The following NMT2 variants were observed in gnomAD, a reference collection of about 807,000 sequenced individuals.
The protein encoded by NMT2 is N-myristoyltransferase 2.
Under a neutral mutation model 65.4 loss-of-function variants are expected in NMT2, and 35 were observed. The observed-to-expected ratio is 0.54, with a 90% CI of 0.41 to 0.71. The LOEUF (loss-of-function observed/expected upper bound fraction) is 0.71, where lower values mean the gene tolerates loss of function less well. Among genes scored for constraint, NMT2 ranks in the 30% least tolerant of loss-of-function variants. NMT2 has a pLI of 0.00. For synonymous variants in NMT2, 226 were observed against 231.8 expected, an observed-to-expected ratio of 0.98 and a Z score of 0.23; for missense variants, 489 against 611.3, an observed-to-expected ratio of 0.80 and a Z score of 2.11.
intron 9 of NMT2, among the ~76,000 whole-genome samples, chr10:15,115,416 T>C (rs1295220853): frequency 6.6e-6 from 1 of 152,244 alleles, no homozygotes; most frequent in Non-Finnish European, 1.5e-5. Flanking sequence ...ATATATATTG[T>C]AATACTCACA....
In NMT2 at chr10:15,161,081, C is replaced by CAAAAAAAAAAAAAAAAAAAA. The variant is rs750859200; in HGVS notation, c.110+7402_110+7421dup. ...CAGAGCGAGACTCTGCCTCAAAAAT[C>CAAAAAAAAAAAAAAAAAAAA]AAAAAAAAAAAAAAAAAAAAAAAAA... On this transcript the variant is annotated intron_variant, in intron 1 of 11. Coordinates refer to ENST00000378165, the MANE Select transcript of NMT2 (RefSeq NM_004808.3). Among the ~76,000 whole-genome samples, 6 of 19,282 alleles carry CAAAAAAAAAAAAAAAAAAAA rather than the reference C, an allele frequency of 3.1e-4. 1 individual carries two copies. The highest frequency in any genetic ancestry group is 1.0e-3 in the African/African-American group (6 of 5,752). 12.6% of individuals were successfully genotyped at this position (19,282 alleles called of 152,430 possible). A position where few individuals can be genotyped will look rare whatever the true frequency, so the allele number is the denominator to read the frequency against.
intron 8 of NMT2, among the ~76,000 whole-genome samples, chr10:15,126,670 A>C (rs1846083739): frequency 6.6e-6 from 1 of 152,216 alleles, no homozygotes; most frequent in Non-Finnish European, 1.5e-5. Flanking sequence ...CTACAGGAGC[A>C]TGGAAATGGA....
At chr10:15,127,898 C>CA (rs75529340) in intron 8 of NMT2, among the ~76,000 whole-genome samples, 346 of 104,134 alleles carry the variant, frequency 3.3e-3, no homozygotes, top group South Asian at 0.011. Context: ...AGACTGTCTC[C>CA]AAAAAAAAAA....
chr10:15,151,732 GA>G (rs1310944608), intron 1 of NMT2, among the ~76,000 whole-genome samples: 1 of 152,164 alleles, frequency 6.6e-6, no homozygotes, highest in Non-Finnish European at 1.5e-5. Context: ...TTTAAAAAGA[GA>G]AAAAAAGTTG....
intron 8 of NMT2, among the ~76,000 whole-genome samples, chr10:15,127,546 CAAAAAAAAA>C (rs1239422956): frequency 1.9e-5 from 1 of 51,370 alleles, no homozygotes; most frequent in Admixed American, 3.0e-4. Context: ...GACTCCGTCT[CAAAAAAAAA>C]AAAAAAAAAA....
At chr10:15,162,894 T>C (rs1390126780) in intron 1 of NMT2, among the ~76,000 whole-genome samples, 1 of 148,962 alleles carries the variant, frequency 6.7e-6, no homozygotes, top group Non-Finnish European at 1.5e-5. Flanking sequence ...TATTTATATA[T>C]GTGATATATA....
At chr10:15,111,347 C>G (rs550481723) in intron 10 of NMT2, among the ~76,000 whole-genome samples, 146 of 151,260 alleles carry the variant, frequency 9.7e-4, no homozygotes, top group African/African-American at 3.3e-3. Flanking sequence ...CCTGTCTCTA[C>G]TAAAAATACA....
intron 1 of NMT2, among the ~76,000 whole-genome samples, chr10:15,165,860 A>G (rs1301572057): frequency 2.0e-5 from 3 of 148,004 alleles, no homozygotes; most frequent in Admixed American, 1.3e-4. Context: ...CCTGGGTGAC[A>G]GAGAAAGACT....
rs1422500179 is a variant in NMT2, at chr10:15,108,832, A to G, written c.*363T>C. 9.4e-6 allele frequency: 10 copies of G among 1,059,608 alleles called. No homozygotes were observed. Among genetic ancestry groups the G allele is most frequent in the Non-Finnish European group, 1.1e-5 (10 of 878,404 alleles). 65.6% of individuals were successfully genotyped at this position (1,059,608 alleles called of 1,614,324 possible). Reference sequence around the variant, plus strand: ...AAATGCAGCAATTTCTCTCCACACAATAGCAAAGATTTTCTTACATGACTC... The same window carrying G: ...AAATGCAGCAATTTCTCTCCACACAGTAGCAAAGATTTTCTTACATGACTC... On this transcript the variant is annotated 3_prime_UTR_variant, in exon 12 of 12. Coordinates refer to ENST00000378165, the MANE Select transcript of NMT2 (RefSeq NM_004808.3).
chr10:15,131,850 C>T (rs755041137), intron 6 of NMT2, among the ~76,000 whole-genome samples: 26 of 152,032 alleles, frequency 1.7e-4, no homozygotes, highest in Admixed American at 6.6e-4. Context: ...AGCTTTATCT[C>T]TCCTAAAAAA....
At chr10:15,126,508 T>A (rs1311960588) in intron 8 of NMT2, among the ~76,000 whole-genome samples, 1 of 151,974 alleles carries the variant, frequency 6.6e-6, no homozygotes, top group Non-Finnish European at 1.5e-5. Flanking sequence ...CTGACTTCCA[T>A]CTTGCCAGCA....
intron 1 of NMT2, chr10:15,155,255 G>A (rs769163074): frequency 4.7e-6 from 7 of 1,480,538 alleles, no homozygotes; most frequent in East Asian, 2.3e-5. Flanking sequence ...CAAACAGTTC[G>A]AAGGAGACGT....
intron 8 of NMT2, 71 bp from the exon 9 acceptor site, chr10:15,119,584 A>C: frequency 7.3e-7 from 1 of 1,368,288 alleles, no homozygotes; most frequent in Non-Finnish European, 1.0e-6. Flanking sequence ...TTGCACTCAA[A>C]GTGTGGTCTG....
At chr10:15,147,419 C>T (rs1186597481) in intron 1 of NMT2, among the ~76,000 whole-genome samples, 1 of 151,870 alleles carries the variant, frequency 6.6e-6, no homozygotes, top group Non-Finnish European at 1.5e-5. Flanking sequence ...GTAAGGAAAA[C>T]ATTATTAAAC....
At chr10:15,116,563 T>C (rs1282295164) in intron 9 of NMT2, among the ~76,000 whole-genome samples, 1 of 151,704 alleles carries the variant, frequency 6.6e-6, no homozygotes, top group African/African-American at 2.4e-5. Context: ...AAGGAAACAA[T>C]AAACACGAGG....
Position 15,106,758 on chromosome 10 carries a change from A to T in NMT2, c.*2437T>A, listed in dbSNP as rs922391989. The T allele has an allele frequency of 1.0e-5, 6 of 580,020 alleles. No individual in the cohort carries two copies. Among genetic ancestry groups the T allele is most frequent in the Admixed American group, 6.3e-5 (1 of 15,772 alleles). The allele number at this position is 580,020 out of a possible 1,614,324, so 35.9% of individuals were successfully genotyped here. Reference sequence around the variant, plus strand: ...TGCAGGCCACACAATCTGTCACAACAACTCAACTCAGCTTTGTAGTGTGAA... The same window carrying T: ...TGCAGGCCACACAATCTGTCACAACTACTCAACTCAGCTTTGTAGTGTGAA... On this transcript the variant is annotated 3_prime_UTR_variant, in exon 12 of 12. Coordinates refer to ENST00000378165, the MANE Select transcript of NMT2 (RefSeq NM_004808.3).
chr10:15,141,799 T>G (rs1043301462), intron 1 of NMT2, among the ~76,000 whole-genome samples: 4 of 152,206 alleles, frequency 2.6e-5, no homozygotes, highest in Non-Finnish European at 5.9e-5. Flanking sequence ...GCAGGAAGAT[T>G]GCAGAGATAA....
In NMT2 at chr10:15,110,496, C is replaced by T. The variant is rs541717439; in HGVS notation, c.1339-657G>A. ...CTCTACAAAAATAAAAAGATTGACT[C>T]GGCATGGTGGTGTGTGCCTGTGGAC... On this transcript the variant is annotated intron_variant, in intron 10 of 11. Coordinates refer to ENST00000378165, the MANE Select transcript of NMT2 (RefSeq NM_004808.3). Among the ~76,000 whole-genome samples, 338 of 151,448 alleles carry T rather than the reference C, an allele frequency of 2.2e-3. 1 individual carries two copies. Among genetic ancestry groups the T allele is most frequent in the African/African-American group, 7.6e-3 (313 of 41,250 alleles).
At chr10:15,144,559 G>A (rs1312217757) in intron 1 of NMT2, among the ~76,000 whole-genome samples, 3 of 152,106 alleles carry the variant, frequency 2.0e-5, no homozygotes, top group Non-Finnish European at 4.4e-5. Context: ...GTGAAACTGC[G>A]TCTCTACTAA....
Sources: gnomAD v4.1 joint callset for allele counts (sites outside exome capture counted in the v4.1 genomes callset) on GRCh38, gnomAD v4.1.1 for gene constraint, MANE v1.5 for transcripts, NCBI Gene and HGNC (gene_info 2026-07-23, HGNC 2026-07-21) for gene names.